CCDC171: variants seen among roughly 807,000 people sequenced by gnomAD.
CCDC171 encodes the protein coiled-coil domain containing 171.
A neutral mutation model predicts 168.2 loss-of-function variants in CCDC171; 177 were observed. That is an observed-to-expected ratio of 1.05 (90% confidence interval 0.93 to 1.19). CCDC171 has a LOEUF of 1.19. Ranked by LOEUF, CCDC171 falls within the 50% of genes most tolerant of loss-of-function variation. The pLI is 0.00. For missense variants in CCDC171, 1,991 were observed against 1,539.0 expected (o/e 1.29, Z -4.91); for synonymous variants, 687 against 540.8 (o/e 1.27, Z -3.75).
At position 15,818,263 on chromosome 9, in the gene CCDC171, C is replaced by T. The variant is rs2059633917; in HGVS notation, c.3268-28439C>T. ...ATAGGGAAAAAACAGAGCAGAAATA[C>T]TGGAAACTGTAAAAAACAGAGTGCC... On this transcript the variant is annotated intron_variant, in intron 21 of 25. Coordinates refer to ENST00000380701, the MANE Select transcript of CCDC171 (RefSeq NM_173550.4). 1.7e-5 allele frequency among the ~76,000 whole-genome samples: 2 copies of T among 117,122 alleles called. 1 individual carries two copies. Among genetic ancestry groups the T allele is most frequent in the African/African-American group, 6.5e-5 (2 of 30,998 alleles). The allele number at this position is 117,122 out of a possible 152,430, so 76.8% of individuals were successfully genotyped here.
chr9:15,596,529 G>A (rs1298932465), intron 6 of CCDC171, among the ~76,000 whole-genome samples: 1 of 152,156 alleles, frequency 6.6e-6, no homozygotes, highest in Non-Finnish European at 1.5e-5. Flanking sequence ...CCAGTACCAT[G>A]CTGTTTTGGT....
At chr9:15,773,271 TTTG>T (rs1400730171) in intron 18 of CCDC171, among the ~76,000 whole-genome samples, 3 of 152,140 alleles carry the variant, frequency 2.0e-5, no homozygotes, top group African/African-American at 7.2e-5. Flanking sequence ...ACGCATATAT[TTTG>T]TTAGGGCTAG....
intron 23 of CCDC171, among the ~76,000 whole-genome samples, chr9:15,851,507 G>A (rs1016282287): frequency 4.6e-5 from 7 of 151,666 alleles, no homozygotes; most frequent in Non-Finnish European, 1.5e-5. Flanking sequence ...CTTTTCATGA[G>A]GTACATTTTT....
chr9:15,762,706 T>C (rs1234132173), intron 18 of CCDC171, among the ~76,000 whole-genome samples: 1 of 152,166 alleles, frequency 6.6e-6, no homozygotes, highest in African/African-American at 2.4e-5. Flanking sequence ...GACTATAAAA[T>C]TTGACTAGTT....
intron 18 of CCDC171, among the ~76,000 whole-genome samples, chr9:15,769,495 C>G (rs188417977): frequency 3.9e-5 from 6 of 152,292 alleles, no homozygotes; most frequent in Non-Finnish European, 7.4e-5. Context: ...TTGACAGTTC[C>G]TTCAATTATG....
At chr9:15,644,364 T>C (rs2046871389) in intron 7 of CCDC171, among the ~76,000 whole-genome samples, 1 of 152,170 alleles carries the variant, frequency 6.6e-6, no homozygotes, top group Admixed American at 6.5e-5. Flanking sequence ...GGTACTGGGT[T>C]CATCTCACTG....
intron 9 of CCDC171, among the ~76,000 whole-genome samples, chr9:15,672,538 A>T (rs971277363): frequency 6.6e-6 from 1 of 152,176 alleles, no homozygotes; most frequent in African/African-American, 2.4e-5. Flanking sequence ...ATAAGGTGTA[A>T]GGAAGGGATC....
chr9:15,637,689 A>G (rs1408381811), intron 7 of CCDC171, among the ~76,000 whole-genome samples: 2 of 137,300 alleles, frequency 1.5e-5, no homozygotes, highest in Non-Finnish European at 3.0e-5. Flanking sequence ...CTCATTGTTC[A>G]GTTCCCATCT....
At chr9:16,028,652 C>T (rs1403352753) in intron 6 of CCDC171, among the ~76,000 whole-genome samples, 1 of 152,190 alleles carries the variant, frequency 6.6e-6, no homozygotes, top group Non-Finnish European at 1.5e-5. Flanking sequence ...CCTGGTGTGG[C>T]AGCTCTGAGA....
At position 16,003,846 on chromosome 9, in the gene CCDC171, C is replaced by A. The variant is rs867761485; in HGVS notation, n.369-16743C>A. On this transcript the variant is annotated intron_variant and non_coding_transcript_variant, in intron 3 of 9. Coordinates refer to the CCDC171 transcript ENST00000486641. ...ATCCCTTTGGTGCTCATATTTCAAC[C>A]TCCAAAATGCACTTTGCTAAAATGT... is the stretch of plus-strand genomic sequence containing the variant. 2.6e-5 allele frequency among the ~76,000 whole-genome samples: 4 copies of A among 152,304 alleles called. No individual in the cohort carries two copies. The South Asian group carries it at 6.2e-4, about 24-fold the overall frequency.
At chr9:16,057,966 A>G (rs1429680933) in intron 1 of CCDC171, among the ~76,000 whole-genome samples, 3 of 151,974 alleles carry the variant, frequency 2.0e-5, no homozygotes, top group Non-Finnish European at 4.4e-5. Flanking sequence ...AATCTCCTGA[A>G]TGTTTTCAGA....
At chr9:16,084,515 C>A in the CCDC171 span, among the ~76,000 whole-genome samples, 1 of 152,182 alleles carries the variant, frequency 6.6e-6, no homozygotes, top group South Asian at 2.1e-4. Flanking sequence ...GAAGTCCATG[C>A]ATTTTGGTAA....
At chr9:15,755,059 G>T (rs779512311) in intron 18 of CCDC171, among the ~76,000 whole-genome samples, 1 of 152,130 alleles carries the variant, frequency 6.6e-6, no homozygotes, top group Admixed American at 6.5e-5. Context: ...GACATTGTAT[G>T]TTTGAAAGAG....
the CCDC171 span, among the ~76,000 whole-genome samples, chr9:16,106,553 A>G: frequency 3.9e-5 from 6 of 152,222 alleles, no homozygotes; most frequent in Non-Finnish European, 7.3e-5. Flanking sequence ...ACTGTGAATT[A>G]GAAACATTCC....
intron 6 of CCDC171, among the ~76,000 whole-genome samples, chr9:15,600,885 C>G (rs1452513556): frequency 6.6e-6 from 1 of 152,216 alleles, no homozygotes; most frequent in African/African-American, 2.4e-5. Flanking sequence ...GGATTTCACA[C>G]TGCTGTGGTA....
chr9:15,863,185 C>T (rs533730396), intron 23 of CCDC171, among the ~76,000 whole-genome samples: 252 of 152,100 alleles, frequency 1.7e-3, no homozygotes, highest in African/African-American at 5.8e-3. Flanking sequence ...CCAATTCCTT[C>T]CCTTCTCATA....
At position 15,867,088 on chromosome 9, in the gene CCDC171, G is replaced by A. The variant is rs996255666; in HGVS notation, c.3469-7444G>A. On this transcript the variant is annotated intron_variant, in intron 23 of 25. Transcript: ENST00000380701. ...AAATTCAGTTGTCAGAATATCTCTT[G>A]GAAAGAGGTGTGCTAACAATGAATT... 2.5e-4 allele frequency among the ~76,000 whole-genome samples: 38 copies of A among 151,934 alleles called. 3 individuals carry two copies. Among genetic ancestry groups the A allele is most frequent in the Non-Finnish European group, 1.5e-5 (1 of 67,954 alleles).
At chr9:15,681,774 C>T (rs1044059862) in intron 10 of CCDC171, among the ~76,000 whole-genome samples, 1 of 152,066 alleles carries the variant, frequency 6.6e-6, no homozygotes, top group African/African-American at 2.4e-5. Flanking sequence ...GTTCTGCATT[C>T]ACAGTCTGGC....
intron 1 of CCDC171, among the ~76,000 whole-genome samples, chr9:16,045,522 T>G (rs1189419622): frequency 1.3e-5 from 2 of 152,148 alleles, no homozygotes; most frequent in East Asian, 3.9e-4. Flanking sequence ...TCTCCAGACA[T>G]TGCCTAGTAC....
Sources: gnomAD v4.1 joint callset for allele counts (sites outside exome capture counted in the v4.1 genomes callset) on GRCh38, gnomAD v4.1.1 for gene constraint, MANE v1.5 for transcripts, NCBI Gene and HGNC (gene_info 2026-07-23, HGNC 2026-07-21) for gene names.